VIPR1: variants seen among roughly 807,000 people sequenced by gnomAD.
VIPR1 encodes vasoactive intestinal peptide receptor 1.
A neutral mutation model predicts 58.8 loss-of-function variants in VIPR1; 59 were observed. That is an observed-to-expected ratio of 1.00 (90% CI 0.81 to 1.25). VIPR1 has a LOEUF of 1.25. Among genes scored for constraint, VIPR1 ranks in the 50% most tolerant of loss-of-function variants. The pLI is 0.00. For synonymous variants in VIPR1, 251 were observed against 242.1 expected (o/e 1.04, Z -0.34); for missense variants, 626 against 602.7 (o/e 1.04, Z -0.40).
intron 6 of VIPR1, chr3:42,529,640 A>C (rs1701427130): frequency 6.6e-6 from 1 of 152,216 alleles, no homozygotes; most frequent in South Asian, 2.1e-4. Context: ...AACCAAGGGT[A>C]CAGGAAGGAA....
At chr3:42,526,023 G>A in intron 4 of VIPR1, 30 bp downstream of exon 4, 1 of 1,583,602 alleles carries the variant, frequency 6.3e-7, no homozygotes, top group Non-Finnish European at 8.6e-7. Context: ...CACCTCACCT[G>A]CAGAGCGCCG....
chr3:42,536,305 G>A lies in VIPR1; in HGVS notation c.*24G>A. On this transcript the variant is annotated 3_prime_UTR_variant, in exon 13 of 13. Transcript: ENST00000325123. ...GACCACCAGGATCCCAGGGGCCCAA[G>A]GCGGCCCCTCCCGCCCCTTCCCACT... The A allele has an allele frequency of 1.3e-6, 2 of 1,496,112 alleles. No homozygotes were observed. The highest frequency in any genetic ancestry group is 1.3e-5 in the South Asian group (1 of 74,908). The allele number at this position is 1,496,112 out of a possible 1,614,324, so 92.7% of individuals were successfully genotyped here.
In VIPR1 at chr3:42,527,985, A is replaced by C; in HGVS notation, c.504-6A>C. On this transcript the variant is annotated splice_polypyrimidine_tract_variant and splice_region_variant and intron_variant, in intron 5 of 12. Transcript: ENST00000325123. ...TTGGCCTCCCAGATCTGCCCACCCC[A>C]CACAGGAAGCTCCACTGCACGCGGA... The C allele has an allele frequency of 1.2e-6, 2 of 1,613,504 alleles. No individual in the cohort carries two copies. The highest frequency in any genetic ancestry group is 1.7e-6 in the Non-Finnish European group (2 of 1,179,716).
intron 1 of VIPR1, among the ~76,000 whole-genome samples, chr3:42,495,179 T>C (rs1699733912): frequency 6.6e-6 from 1 of 152,202 alleles, no homozygotes; most frequent in Non-Finnish European, 1.5e-5. Flanking sequence ...TGGAGTGCAG[T>C]GGCATGATCT....
Position 42,536,294 on chromosome 3 carries a change from CA to C in VIPR1, c.*14del, listed in dbSNP as rs1264091355. ...CTCCCTGGTCTGACCACCAGGATCC[CA>C]GGGGCCCAAGGCGGCCCCTCCCGCC... is the stretch of plus-strand genomic sequence containing the variant. On this transcript the variant is annotated 3_prime_UTR_variant, in exon 13 of 13. Transcript: ENST00000325123. The C allele has an allele frequency of 2.0e-6, 3 of 1,525,008 alleles. No homozygotes were observed. The highest frequency in any genetic ancestry group is 2.6e-6 in the Non-Finnish European group (3 of 1,141,652). 94.5% of individuals were successfully genotyped at this position (1,525,008 alleles called of 1,614,324 possible).
intron 2 of VIPR1, among the ~76,000 whole-genome samples, chr3:42,517,973 T>C (rs573366303): frequency 6.6e-6 from 1 of 151,910 alleles, no homozygotes; most frequent in Admixed American, 6.6e-5. Flanking sequence ...AAGACTATGA[T>C]GGGGTGATGA....
chr3:42,490,879 A>G (rs1025497674), intron 1 of VIPR1, among the ~76,000 whole-genome samples: 1 of 152,192 alleles, frequency 6.6e-6, no homozygotes, highest in Non-Finnish European at 1.5e-5. Context: ...TTTTTAAAAT[A>G]GCAGGGAGGC....
At chr3:42,529,681 G>T (rs1263854740) in intron 6 of VIPR1, 1 of 152,162 alleles carries the variant, frequency 6.6e-6, no homozygotes, top group Non-Finnish European at 1.5e-5. Context: ...GGTACAGGGG[G>T]AAGTGGAAGC....
chr3:42,513,497 A>C, intron 1 of VIPR1: 2 of 447,104 alleles, frequency 4.5e-6, no homozygotes, highest in Non-Finnish European at 8.1e-6. Context: ...AAAGAGACAA[A>C]GCAGTTACAG....
chr3:42,536,101 G>T lies in VIPR1; in HGVS notation c.1194G>T (p.Glu398Asp). ...TTCCCCTCTCCTAGGTGCAGGCGGA[G>T]CTGAGGCGGAAGTGGCGGCGCTGGC... ...YCFLNGEVQA[E>D]LRRKWRRWHL... The change falls in exon 13 of 13, where the codon GAG (glutamate) becomes GAT (aspartate). Residue 398 changes from glutamate to aspartate, a missense_variant. By Grantham distance (45) the Glu-to-Asp change is conservative. Coordinates refer to ENST00000325123, the MANE Select transcript of VIPR1 (RefSeq NM_004624.4). 1 of 1,602,342 alleles carries T rather than the reference G, an allele frequency of 6.2e-7. No homozygotes were observed. The highest frequency in any genetic ancestry group is 8.5e-7 in the Non-Finnish European group (1 of 1,175,058).
upstream of VIPR1, among the ~76,000 whole-genome samples, chr3:42,501,303 C>A (rs748645350): frequency 6.6e-6 from 1 of 152,088 alleles, no homozygotes; most frequent in Non-Finnish European, 1.5e-5. This position sits in a 1 kb window ranked among gnomAD's most constrained non-coding sequence, Gnocchi z 4.8. Flanking sequence ...GGAGGGAAGC[C>A]CTGGTGGGTC....
intron 1 of VIPR1, among the ~76,000 whole-genome samples, chr3:42,511,080 ACT>A (rs1297298556): frequency 6.6e-6 from 1 of 152,196 alleles, no homozygotes; most frequent in East Asian, 1.9e-4. Context: ...AGAAAACTCA[ACT>A]GATCCAAGCC....
At chr3:42,530,586 C>A in intron 6 of VIPR1, 193 bp from the exon 7 acceptor site, 2 of 596,920 alleles carry the variant, frequency 3.4e-6, no homozygotes, top group Admixed American at 3.1e-5. Flanking sequence ...CCAGTTTATC[C>A]CGAAGTATCA....
rs1335974324 is a variant in VIPR1 at position 42,532,340 on chromosome 3, G to A, written c.1010+7G>A. On this transcript the variant is annotated splice_region_variant and intron_variant, in intron 10 of 12. Coordinates refer to ENST00000325123, the MANE Select transcript of VIPR1 (RefSeq NM_004624.4). ...GTGACAGCAGTCCATACTCGTGAGT[G>A]TGGGCCTAGTGCCTCAGCCCCCAGT... 2 of 1,612,820 alleles carry A rather than the reference G, an allele frequency of 1.2e-6. No individual in the cohort carries two copies. The highest frequency in any genetic ancestry group is 1.3e-5 in the African/African-American group (1 of 74,998).
At chr3:42,520,597 G>A (rs527959331) in intron 3 of VIPR1, among the ~76,000 whole-genome samples, 1 of 152,212 alleles carries the variant, frequency 6.6e-6, no homozygotes, top group African/African-American at 2.4e-5. Context: ...ATGAGCCTTA[G>A]GGAAGAGAGT....
chr3:42,516,974 G>A (rs1441865860), intron 2 of VIPR1: 1 of 152,250 alleles, frequency 6.6e-6, no homozygotes, highest in African/African-American at 2.4e-5. Flanking sequence ...CTGACCTGAA[G>A]TGCCCCTACT....
intron 10 of VIPR1, chr3:42,533,577 G>A (rs556619253): frequency 1.3e-5 from 2 of 152,330 alleles, no homozygotes; most frequent in South Asian, 2.1e-4. Flanking sequence ...GCCATGGTCA[G>A]GGCCAGGTCT....
At chr3:42,516,037 G>A (rs916244292) in intron 2 of VIPR1, among the ~76,000 whole-genome samples, 5 of 152,186 alleles carry the variant, frequency 3.3e-5, no homozygotes, top group African/African-American at 1.2e-4. Flanking sequence ...TTGCATGTGT[G>A]CCTGGTGTTC....
At position 42,525,905 on chromosome 3, in the gene VIPR1, G is replaced by T; in HGVS notation, c.311G>T (p.Ser104Ile). The change falls in exon 4 of 13, where the codon AGC becomes ATC. Residue 104 changes from serine (S) to isoleucine (I), a missense_variant. Transcript: ENST00000325123. ...CACCCAGGCCGCAATGTAAGCCGCA[G>T]CTGCACCGACGAAGGCTGGACGCAC... ...SSIQGRNVSRSCTDEGWTHLE... is the reference protein window; with the variant it reads ...SSIQGRNVSRICTDEGWTHLE... 1 of 1,612,662 alleles carries T rather than the reference G, an allele frequency of 6.2e-7. No individual in the cohort carries two copies.
Sources: gnomAD v4.1 joint callset for allele counts (sites outside exome capture counted in the v4.1 genomes callset) on GRCh38, gnomAD v4.1.1 for gene constraint, Gnocchi (gnomAD v3.1) non-coding constraint, MANE v1.5 for transcripts, NCBI Gene and HGNC (gene_info 2026-07-23, HGNC 2026-07-21) for gene names.